Variants in GPC6 observed in about 807,000 individuals in gnomAD.
The protein encoded by GPC6 is glypican-6.
In GPC6, 14 loss-of-function variants were observed where a neutral mutation model predicts 55.2. That is an observed-to-expected ratio of 0.25 (90% CI 0.17 to 0.40). The LOEUF (loss-of-function observed/expected upper bound fraction) is 0.40. GPC6 is among the 10% of genes least tolerant of loss of function. The pLI, the probability that GPC6 is intolerant of heterozygous loss-of-function variation, is 1.00. For missense variants in GPC6, 641 were observed against 708.5 expected, an observed-to-expected ratio of 0.90 and a Z score of 1.08; for synonymous variants, 278 against 259.6, an observed-to-expected ratio of 1.07 and a Z score of -0.68.
chr13:93,798,304 T>G (rs919929153), intron 2 of GPC6, among the ~76,000 whole-genome samples: 2 of 152,210 alleles, frequency 1.3e-5, no homozygotes, highest in African/African-American at 4.8e-5. Context: ...TGAACCAAGT[T>G]ACTTGACTTG....
intron 6 of GPC6, among the ~76,000 whole-genome samples, chr13:94,376,687 TG>T (rs1423895388): frequency 7.9e-5 from 12 of 151,996 alleles, no homozygotes; most frequent in South Asian, 2.1e-4. Flanking sequence ...TTCACAGAAT[TG>T]GAAAAAACTA....
chr13:94,169,274 C>T (rs1252604841), intron 4 of GPC6, among the ~76,000 whole-genome samples: 1 of 152,080 alleles, frequency 6.6e-6, no homozygotes, highest in Non-Finnish European at 1.5e-5. Context: ...AATGAAATAC[C>T]TCAGCCTTGG....
In GPC6 at chr13:93,778,178, AGAGGGGCACCAAGAGCTTTG is replaced by A. The variant is rs1385061282; in HGVS notation, c.320-51975_320-51956del. On this transcript the variant is annotated intron_variant, in intron 2 of 8. Transcript: ENST00000377047. The stretch of plus-strand genomic sequence containing the variant: ...TTGCTGGTAGAGGGATGTTCAAGAT[AGAGGGGCACCAAGAGCTTTG>A]TTCTTTTTTGTGAATGTCAATATTT... Among the ~76,000 whole-genome samples the A allele has an allele frequency of 3.9e-5, 6 of 152,306 alleles. No homozygotes were observed. In the East Asian group the frequency reaches 1.2e-3, roughly 29 times the overall value.
chr13:93,329,658 G>A (rs1879771311), intron 1 of GPC6, among the ~76,000 whole-genome samples: 1 of 152,090 alleles, frequency 6.6e-6, no homozygotes, highest in Non-Finnish European at 1.5e-5. Context: ...CAGGAAGAAT[G>A]GAGTATGCTG....
At chr13:94,085,308 C>T (rs565606925) in intron 4 of GPC6, among the ~76,000 whole-genome samples, 146 of 103,778 alleles carry the variant, frequency 1.4e-3, no homozygotes, top group Non-Finnish European at 2.2e-3. Context: ...GGTGACAGAG[C>T]GAGATTCTGT....
At chr13:93,929,379 A>G (rs1878035687) in intron 3 of GPC6, among the ~76,000 whole-genome samples, 1 of 152,200 alleles carries the variant, frequency 6.6e-6, no homozygotes, top group African/African-American at 2.4e-5. Context: ...TGTTGTTGAT[A>G]ATACATTTAT....
In GPC6 at chr13:93,804,672, T is replaced by C. The variant is rs564940946; in HGVS notation, c.320-25482T>C. Among the ~76,000 whole-genome samples, 11 of 152,246 alleles carry C rather than the reference T, an allele frequency of 7.2e-5. No homozygotes were observed. The South Asian group carries it at 2.3e-3, about 32-fold the overall frequency. ...ACAGAGCCTGCCTCCCAAACTCCAG[T>C]AGAGGGGTTAGATATACAAATTCTG... On this transcript the variant is annotated intron_variant, in intron 2 of 8. Coordinates refer to ENST00000377047, the MANE Select transcript of GPC6 (RefSeq NM_005708.5).
chr13:94,216,158 C>T (rs1046071569), intron 4 of GPC6, among the ~76,000 whole-genome samples: 8 of 152,200 alleles, frequency 5.3e-5, no homozygotes, highest in Non-Finnish European at 8.8e-5. Context: ...TCATTTCTCT[C>T]TAAGCAAGCT....
intron 4 of GPC6, among the ~76,000 whole-genome samples, chr13:94,153,045 A>G (rs1887800207): frequency 6.6e-6 from 1 of 152,140 alleles, no homozygotes; most frequent in South Asian, 2.1e-4. Flanking sequence ...ACCCTATGTA[A>G]TTTCAAGTAA....
the GPC6 span, among the ~76,000 whole-genome samples, chr13:93,219,565 C>T: frequency 6.6e-6 from 1 of 152,058 alleles, no homozygotes; most frequent in East Asian, 1.9e-4. Context: ...ATTAAGCAGA[C>T]AATCCATTCA....
At chr13:94,242,742 G>A (rs1891091159) in intron 4 of GPC6, among the ~76,000 whole-genome samples, 1 of 151,990 alleles carries the variant, frequency 6.6e-6, no homozygotes, top group Admixed American at 6.6e-5. Context: ...CATTTTGTGG[G>A]GTTGTGATTC....
At chr13:93,305,955 A>C (rs1292911899) in intron 1 of GPC6, among the ~76,000 whole-genome samples, 1 of 152,260 alleles carries the variant, frequency 6.6e-6, no homozygotes, top group African/African-American at 2.4e-5. Flanking sequence ...CAGAAAGTGC[A>C]GATTACCAAA....
chr13:93,943,479 C>G (rs1878836869), intron 3 of GPC6, among the ~76,000 whole-genome samples: 1 of 152,134 alleles, frequency 6.6e-6, no homozygotes. Context: ...CATCCCAATT[C>G]TGGAGTCCCT....
At chr13:94,123,147 C>A (rs1476283695) in intron 4 of GPC6, among the ~76,000 whole-genome samples, 2 of 151,878 alleles carry the variant, frequency 1.3e-5, no homozygotes, top group African/African-American at 2.4e-5. Context: ...AACTGTGAGA[C>A]ATAGACAAAA....
At position 93,909,356 on chromosome 13, in the gene GPC6, C is replaced by T. The variant is rs909236848; in HGVS notation, c.711+78811C>T. ...GTTATATCATTTTCGTGAAATATTA[C>T]ATAAACTCGTTAAGTGAAGAAAATA... On this transcript the variant is annotated intron_variant, in intron 3 of 8. Coordinates refer to ENST00000377047, the MANE Select transcript of GPC6 (RefSeq NM_005708.5). 3.9e-5 allele frequency among the ~76,000 whole-genome samples: 6 copies of T among 151,952 alleles called. 1 individual carries two copies. The highest frequency in any genetic ancestry group is 6.3e-3 in the Middle Eastern group (2 of 316).
chr13:93,404,332 C>G (rs560980825), intron 1 of GPC6, among the ~76,000 whole-genome samples: 1 of 152,096 alleles, frequency 6.6e-6, no homozygotes, highest in South Asian at 2.1e-4. Flanking sequence ...TTAAGAAAAA[C>G]TGAAGGCGTG....
intron 2 of GPC6, among the ~76,000 whole-genome samples, chr13:93,794,678 C>T (rs1739418413): frequency 6.6e-6 from 1 of 152,030 alleles, no homozygotes; most frequent in East Asian, 1.9e-4. Context: ...TTGTGTGACC[C>T]GTCAGGGGGG....
chr13:94,138,460 C>T (rs1464338601), intron 4 of GPC6, among the ~76,000 whole-genome samples: 1 of 152,164 alleles, frequency 6.6e-6, no homozygotes, highest in Non-Finnish European at 1.5e-5. Flanking sequence ...ATAAATTCCA[C>T]CTCTTATCAT....
intron 2 of GPC6, among the ~76,000 whole-genome samples, chr13:93,560,335 G>A (rs1419548611): frequency 7.7e-6 from 1 of 130,456 alleles, no homozygotes; most frequent in Admixed American, 8.0e-5. Flanking sequence ...CAGCGAAACA[G>A]TATCTCTACC....
Sources: allele counts gnomAD v4.1 joint callset (sites outside exome capture counted in the v4.1 genomes callset), GRCh38; gene constraint gnomAD v4.1.1; transcripts MANE v1.5; gene names NCBI Gene and HGNC (gene_info 2026-07-23, HGNC 2026-07-21).